Variants in ANAPC1 observed in about 807,000 individuals in gnomAD.
ANAPC1 encodes the protein anaphase promoting complex subunit 1, also known as anaphase-promoting complex subunit 1.
A neutral mutation model predicts 208.0 loss-of-function variants in ANAPC1; 36 were observed. That is an observed-to-expected ratio of 0.17 (90% CI 0.13 to 0.23). The LOEUF is 0.23. ANAPC1 is among the 10% of genes least tolerant of loss of function. The pLI, the probability that ANAPC1 is intolerant of heterozygous loss-of-function variation, is 1.00. For synonymous variants in ANAPC1, 378 were observed against 695.2 expected, an observed-to-expected ratio of 0.54 and a Z score of 7.18; for missense variants, 942 against 2,011.6, an observed-to-expected ratio of 0.47 and a Z score of 10.17.
intron 1 of ANAPC1, among the ~76,000 whole-genome samples, chr2:111,881,367 A>G (rs1334463564): frequency 1.3e-5 from 2 of 152,176 alleles, no homozygotes; most frequent in African/African-American, 4.8e-5. Flanking sequence ...CAAAAGACAT[A>G]GGTTTTCAAA....
intron 45 of ANAPC1, among the ~76,000 whole-genome samples, chr2:111,777,966 GA>G (rs1459208359): frequency 6.6e-6 from 1 of 152,286 alleles, no homozygotes; most frequent in African/African-American, 2.4e-5. Context: ...TTCAATAGAT[GA>G]GGCATGGAAT....
chr2:111,840,331 TTTATCCTA>T (rs1299639880), intron 17 of ANAPC1, among the ~76,000 whole-genome samples: 1 of 152,200 alleles, frequency 6.6e-6, no homozygotes, highest in Admixed American at 6.5e-5. Context: ...TGAGGACCAT[TTTATCCTA>T]AGCTTTGACT....
At chr2:111,853,757 C>A (rs1489454556) in intron 13 of ANAPC1, among the ~76,000 whole-genome samples, 1 of 151,960 alleles carries the variant, frequency 6.6e-6, no homozygotes, top group Non-Finnish European at 1.5e-5. Context: ...CCCTCTGTCG[C>A]CCAGGCTGGA....
chr2:111,794,949 T>G (rs1435533461), intron 34 of ANAPC1, 55 bp from the exon 35 acceptor site: 3 of 1,074,736 alleles, frequency 2.8e-6, no homozygotes, highest in Non-Finnish European at 4.0e-6. Flanking sequence ...TTACAAATAT[T>G]TAATAATCTG....
intron 3 of ANAPC1, among the ~76,000 whole-genome samples, chr2:111,875,142 G>T (rs539157232): frequency 6.6e-6 from 1 of 152,156 alleles, no homozygotes. Context: ...TCTCATTGTG[G>T]TTGTAATCTG....
chr2:111,875,331 C>T (rs1238127939), intron 3 of ANAPC1, among the ~76,000 whole-genome samples: 2 of 152,064 alleles, frequency 1.3e-5, no homozygotes, highest in African/African-American at 4.8e-5. Context: ...GGAAGAAAAC[C>T]ATGCATGAGA....
chr2:111,825,146 T>G lies in ANAPC1; in HGVS notation c.2726A>C (p.Glu909Ala). The G allele has an allele frequency of 6.2e-7, 1 of 1,613,818 alleles. No individual in the cohort carries two copies. Among genetic ancestry groups the G allele is most frequent in the Non-Finnish European group, 8.5e-7 (1 of 1,179,844 alleles). ...TAAAAGTCACCTGTTTTCCTCTTGT[T>G]CTACTTGCAACTTCTGGGGGGCTAA... Reference protein sequence around the residue: ...ITIAPQKLQVEQEENRFSFRH... With the variant: ...ITIAPQKLQVAQEENRFSFRH... Residue 909 changes from glutamate (E) to alanine (A), a missense_variant, in exon 23 of 48, where the codon GAA (glutamate) becomes GCA (alanine). Physicochemically the swap from Glu to Ala is moderately radical, Grantham distance 107. Coordinates refer to ENST00000341068, the MANE Select transcript of ANAPC1 (RefSeq NM_022662.4).
intron 3 of ANAPC1, among the ~76,000 whole-genome samples, chr2:111,878,275 G>A (rs1213446977): frequency 1.3e-5 from 2 of 152,178 alleles, no homozygotes; most frequent in Non-Finnish European, 2.9e-5. Context: ...TCTTCTCTAA[G>A]TACAAGTTTT....
rs1347869187 is a variant in ANAPC1, at chr2:111,819,883, C to T, written c.3207-925G>A. On this transcript the variant is annotated intron_variant, in intron 26 of 47. Coordinates refer to ENST00000341068, the MANE Select transcript of ANAPC1 (RefSeq NM_022662.4). ...AAAATTTTGCTGTCTTAAAGATTCT[C>T]TGGGAACACAACCGCAACATTAATT... Among the ~76,000 whole-genome samples the T allele has an allele frequency of 3.9e-5, 6 of 152,354 alleles. No homozygotes were observed. The East Asian group carries it at 1.2e-3, about 29-fold the overall frequency.
At chr2:111,879,053 T>C in intron 2 of ANAPC1, 82 bp from the exon 3 acceptor site, 2 of 1,440,116 alleles carry the variant, frequency 1.4e-6, no homozygotes, top group South Asian at 1.4e-5. Context: ...TATTTGCCCA[T>C]GGAGTAAGAC....
Position 111,834,744 on chromosome 2 carries a change from A to C in ANAPC1, c.2244T>G (p.Ser748Arg), listed in dbSNP as rs776640838. 6.2e-6 allele frequency: 10 copies of C among 1,613,630 alleles called. No homozygotes were observed. The highest frequency in any genetic ancestry group is 8.5e-6 in the Non-Finnish European group (10 of 1,179,764). Residue 748 changes from serine to arginine, a missense_variant, in exon 19 of 48, where the codon AGT (serine) becomes AGG (arginine). Physicochemically the swap from Ser to Arg is moderately radical, Grantham distance 110. Coordinates refer to ENST00000341068, the MANE Select transcript of ANAPC1 (RefSeq NM_022662.4). ...MKDEDFSQNL[S>R]LDSSTLLFTH... ...TAAAGAGAAGTGTAGAAGAATCCAG[A>C]CTGAGATTCTGTGAAAAATCCTCAT...
chr2:111,872,653 A>C lies in ANAPC1; in HGVS notation c.588T>G (p.His196Gln). The change falls in exon 6 of 48, where the codon CAT (histidine) becomes CAG (glutamine). Residue 196 changes from histidine (H) to glutamine (Q), a missense_variant. By Grantham distance (24) the His-to-Gln change is conservative. Transcript: ENST00000341068. The stretch of plus-strand genomic sequence containing the variant: ...ACCTGGGTGAACCTGGAGGTACTTC[A>C]TGTGAAGAAGCGCTTCGTTCAAACA... ...GLLFERSASSHEVPPGSPREP... is the reference protein window; with the variant it reads ...GLLFERSASSQEVPPGSPREP... 1 of 1,613,448 alleles carries C rather than the reference A, an allele frequency of 6.2e-7. No individual in the cohort carries two copies.
intron 7 of ANAPC1, among the ~76,000 whole-genome samples, chr2:111,866,689 A>G (rs1229032357): frequency 6.6e-6 from 1 of 150,878 alleles, no homozygotes; most frequent in Non-Finnish European, 1.5e-5. Flanking sequence ...GTGCCATTGC[A>G]CTGCAGCCTG....
At chr2:111,801,920 G>A (rs1678464230) in intron 33 of ANAPC1, among the ~76,000 whole-genome samples, 1 of 151,986 alleles carries the variant, frequency 6.6e-6, no homozygotes, top group East Asian at 1.9e-4. Context: ...AAAAGAATTA[G>A]AGGGAAAATT....
intron 8 of ANAPC1, 107 bp downstream of exon 8, chr2:111,864,699 G>C (rs1682305204): frequency 6.4e-7 from 1 of 1,564,338 alleles, no homozygotes; most frequent in African/African-American, 1.4e-5. Flanking sequence ...CTGACCTCAA[G>C]TGATCCGCCT....
In ANAPC1 at chr2:111,880,697, C is replaced by T. The variant is rs746409067; in HGVS notation, c.129G>A (p.Gln43=). 2 of 1,613,854 alleles carry T rather than the reference C, an allele frequency of 1.2e-6. No homozygotes were observed. Among genetic ancestry groups the T allele is most frequent in the South Asian group, 2.2e-5 (2 of 91,076 alleles). ...CAGAAGACCATAATTCAGAAGCTGG[C>T]TGCAGCTGGCGAAGTTGAAGGTTCA... ...NALNLQLRQL[Q]PASELWSSDG... The change falls in exon 2 of 48, where the codon CAG becomes CAA. Residue 43 remains glutamine (Q), a synonymous_variant. Transcript: ENST00000341068.
At chr2:111,851,373 A>G (rs1681386260) in intron 13 of ANAPC1, among the ~76,000 whole-genome samples, 1 of 151,822 alleles carries the variant, frequency 6.6e-6, no homozygotes, top group African/African-American at 2.4e-5. Flanking sequence ...ACACCTTGGT[A>G]TAATTTCTCT....
intron 46 of ANAPC1, among the ~76,000 whole-genome samples, chr2:111,775,821 T>C: frequency 6.6e-6 from 1 of 152,216 alleles, no homozygotes; most frequent in Non-Finnish European, 1.5e-5. Flanking sequence ...ACGAAAACCT[T>C]TGAAATAACA....
intron 14 of ANAPC1, among the ~76,000 whole-genome samples, chr2:111,849,419 A>C (rs1272016808): frequency 6.6e-6 from 1 of 152,070 alleles, no homozygotes; most frequent in African/African-American, 2.4e-5. Flanking sequence ...GGTTTGAAGG[A>C]AAAAAAATTC....
Sources: gnomAD v4.1 joint callset for allele counts (sites outside exome capture counted in the v4.1 genomes callset) on GRCh38, gnomAD v4.1.1 for gene constraint, MANE v1.5 for transcripts, NCBI Gene and HGNC (gene_info 2026-07-23, HGNC 2026-07-21) for gene names.